The following PTPRN2 variants were observed in gnomAD, a reference collection of about 807,000 sequenced individuals.
PTPRN2 encodes receptor-type tyrosine-protein phosphatase N2.
In PTPRN2, 74 loss-of-function variants were observed where a neutral mutation model predicts 118.8. The observed-to-expected ratio is 0.62, with a 90% confidence interval of 0.52 to 0.76. The LOEUF (loss-of-function observed/expected upper bound fraction) is 0.76. Among genes scored for constraint, PTPRN2 ranks in the 30% least tolerant of loss-of-function variants. PTPRN2 has a pLI of 0.00. For missense variants in PTPRN2, 1,481 were observed against 1,394.4 expected, an observed-to-expected ratio of 1.06 and a Z score of -0.99; for synonymous variants, 641 against 608.0, an observed-to-expected ratio of 1.05 and a Z score of -0.80.
chr7:157,556,567 G>GCA (rs1798895855), intron 21 of PTPRN2, among the ~76,000 whole-genome samples: 1 of 147,078 alleles, frequency 6.8e-6, no homozygotes, highest in South Asian at 2.2e-4. Context: ...ATATGTACAT[G>GCA]CACACACATA....
Position 157,653,332 on chromosome 7 carries a change from A to G in PTPRN2, c.2196+3025T>C, listed in dbSNP as rs576628538. Among the ~76,000 whole-genome samples the G allele has an allele frequency of 6.6e-5, 10 of 152,202 alleles. No individual in the cohort carries two copies. The South Asian group carries it at 2.1e-3, about 32-fold the overall frequency. On this transcript the variant is annotated intron_variant, in intron 14 of 22. Coordinates refer to ENST00000389418, the MANE Select transcript of PTPRN2 (RefSeq NM_002847.5). ...TGCCATCCTCAGGTGAGGGGCACTGAGGTGGCCGGTTGGGTGTCTGGCGGA... is the reference window on the plus strand; with the variant it reads ...TGCCATCCTCAGGTGAGGGGCACTGGGGTGGCCGGTTGGGTGTCTGGCGGA...
chr7:158,131,044 G>A (rs966640670), intron 9 of PTPRN2, among the ~76,000 whole-genome samples: 3 of 146,766 alleles, frequency 2.0e-5, no homozygotes, highest in African/African-American at 5.2e-5. Flanking sequence ...ATACACACAC[G>A]TACATACAGA....
chr7:158,009,034 TCA>T (rs1165440725), intron 11 of PTPRN2, among the ~76,000 whole-genome samples: 6 of 152,234 alleles, frequency 3.9e-5, no homozygotes, highest in African/African-American at 1.2e-4. Flanking sequence ...GTCACTGCAC[TCA>T]CAGAGCTTCC....
At chr7:158,411,805 CT>C (rs1814117645) in intron 2 of PTPRN2, among the ~76,000 whole-genome samples, 1 of 152,186 alleles carries the variant, frequency 6.6e-6, no homozygotes, top group South Asian at 2.1e-4. Context: ...AGGTCAGTCA[CT>C]GGCCTTCCTC....
At chr7:158,021,123 C>A (rs542373042) in intron 11 of PTPRN2, among the ~76,000 whole-genome samples, 1 of 152,338 alleles carries the variant, frequency 6.6e-6, no homozygotes, top group Admixed American at 6.5e-5. Flanking sequence ...CCACTTTTCT[C>A]ACAAACAAAT....
Position 158,562,268 on chromosome 7 carries a change from C to T in PTPRN2, c.112+25290G>A, listed in dbSNP as rs375705781. On this transcript the variant is annotated intron_variant, in intron 1 of 22. Coordinates refer to ENST00000389418, the MANE Select transcript of PTPRN2 (RefSeq NM_002847.5). The stretch of plus-strand genomic sequence containing the variant: ...CCATGGTCTCACTCCATGAAGGGGG[C>T]GAGGAAGCTCTCTGGAGCTGCCTTA... Among the ~76,000 whole-genome samples the T allele has an allele frequency of 5.9e-5, 9 of 152,194 alleles. No individual in the cohort carries two copies. The East Asian group carries it at 9.7e-4, about 16-fold the overall frequency.
intron 2 of PTPRN2, among the ~76,000 whole-genome samples, chr7:158,443,117 A>G (rs1724648652): frequency 6.6e-6 from 1 of 151,990 alleles, no homozygotes; most frequent in African/African-American, 2.4e-5. Flanking sequence ...AACCTGGTCA[A>G]CAAGCACATT....
chr7:158,459,002 T>C (rs184351814), intron 2 of PTPRN2, among the ~76,000 whole-genome samples: 2 of 152,306 alleles, frequency 1.3e-5, no homozygotes, highest in Non-Finnish European at 2.9e-5. Flanking sequence ...CGGCAACATC[T>C]GTGGGGGCAC....
chr7:158,158,613 T>A (rs183444325), intron 6 of PTPRN2, among the ~76,000 whole-genome samples: 2 of 46,214 alleles, frequency 4.3e-5, no homozygotes, highest in Non-Finnish European at 9.5e-5. Context: ...ATGAGTGAAC[T>A]CGGGAGAATC....
chr7:157,689,921 C>T (rs1007493326), intron 12 of PTPRN2, among the ~76,000 whole-genome samples: 1 of 152,186 alleles, frequency 6.6e-6, no homozygotes, highest in East Asian at 1.9e-4. Flanking sequence ...GGGTGAAGAG[C>T]GCCCCAAAAT....
rs147420883 is a variant in PTPRN2, at chr7:157,615,136, C to T, written c.2344+6226G>A. On this transcript the variant is annotated intron_variant, in intron 15 of 22. Transcript: ENST00000389418. This position sits in a 1 kb window ranked among gnomAD's most constrained non-coding sequence, Gnocchi z 4.3. ...GAAGTGCTCGCAGGTCACGCTAATA[C>T]GGCCAACACTGGGCGGCTGGCCAGC... 3.9e-3 allele frequency among the ~76,000 whole-genome samples: 601 copies of T among 152,368 alleles called. 2 individuals carry two copies. Among genetic ancestry groups the T allele is most frequent in the Middle Eastern group, 6.8e-3 (2 of 294 alleles).
At chr7:158,552,717 G>A (rs1025676006) in intron 1 of PTPRN2, among the ~76,000 whole-genome samples, 2 of 152,188 alleles carry the variant, frequency 1.3e-5, no homozygotes, top group Admixed American at 1.3e-4. Context: ...AAAGTTCTGG[G>A]ATTACAGGTG....
intron 4 of PTPRN2, among the ~76,000 whole-genome samples, chr7:158,204,534 G>GTT (rs199614047): frequency 1.3e-5 from 2 of 151,764 alleles, no homozygotes; most frequent in African/African-American, 4.8e-5. Flanking sequence ...TCATTTTCAT[G>GTT]TTTTTTTTTA....
intron 12 of PTPRN2, among the ~76,000 whole-genome samples, chr7:157,843,688 C>T (rs777152679): frequency 3.9e-5 from 6 of 152,234 alleles, no homozygotes; most frequent in African/African-American, 4.8e-5. Flanking sequence ...CATTAACCTA[C>T]GCAACTCTCT....
At chr7:157,580,967 C>T (rs1399174207) in intron 17 of PTPRN2, among the ~76,000 whole-genome samples, 1 of 139,574 alleles carries the variant, frequency 7.2e-6, no homozygotes, top group Non-Finnish European at 1.5e-5. Context: ...CCAGCACCTG[C>T]ACACCGCAGC....
intron 1 of PTPRN2, among the ~76,000 whole-genome samples, chr7:158,566,911 A>G (rs947382871): frequency 1.3e-5 from 2 of 152,124 alleles, no homozygotes; most frequent in African/African-American, 4.8e-5. Context: ...AGATGGTTTC[A>G]CCATATTGGC....
intron 2 of PTPRN2, among the ~76,000 whole-genome samples, chr7:158,418,429 C>T (rs975605714): frequency 6.8e-5 from 10 of 147,560 alleles, no homozygotes; most frequent in Non-Finnish European, 1.3e-4. Context: ...TGTACTACAT[C>T]GAGATGCTGT....
At chr7:157,601,461 A>G (rs1801662809) in intron 16 of PTPRN2, among the ~76,000 whole-genome samples, 1 of 151,618 alleles carries the variant, frequency 6.6e-6, no homozygotes, top group Admixed American at 6.6e-5. Context: ...AAAAAAAAGA[A>G]TTGTGGTATG....
At chr7:158,130,315 C>T (rs900782778) in intron 9 of PTPRN2, among the ~76,000 whole-genome samples, 10 of 152,142 alleles carry the variant, frequency 6.6e-5, no homozygotes, top group Non-Finnish European at 1.3e-4. Flanking sequence ...GAAGAAATAC[C>T]CGAACAGACG....
Sources: allele counts gnomAD v4.1 joint callset (sites outside exome capture counted in the v4.1 genomes callset), GRCh38; gene constraint gnomAD v4.1.1; non-coding constraint Gnocchi (gnomAD v3.1); transcripts MANE v1.5; gene names NCBI Gene and HGNC (gene_info 2026-07-23, HGNC 2026-07-21).